The following FKBP9 variants were observed in gnomAD, a reference collection of about 807,000 sequenced individuals.
FKBP9 encodes peptidyl-prolyl cis-trans isomerase FKBP9.
In FKBP9, 27 loss-of-function variants were observed where a neutral mutation model predicts 55.6. The ratio of observed to expected loss-of-function variants is 0.49; its 90% CI spans 0.36 to 0.67. The LOEUF is 0.67. Ranked by LOEUF, FKBP9 falls within the 30% of genes least tolerant of loss-of-function variation. The pLI, the probability that FKBP9 is intolerant of heterozygous loss-of-function variation, is 0.00. For missense variants in FKBP9, 539 were observed against 742.8 expected (o/e 0.73, Z 3.19); for synonymous variants, 267 against 296.5 (o/e 0.90, Z 1.02).
At chr7:32,978,558 A>G (rs994868730) in intron 4 of FKBP9, among the ~76,000 whole-genome samples, 6 of 151,934 alleles carry the variant, frequency 3.9e-5, no homozygotes, top group Non-Finnish European at 5.9e-5. Flanking sequence ...GTGTCTCGCT[A>G]CGTTACCCAG....
rs976090693 is a variant in FKBP9 at position 32,957,445 on chromosome 7, G to T, written c.-129G>T. The T allele has an allele frequency of 7.9e-6, 5 of 633,674 alleles. No individual in the cohort carries two copies. The Admixed American group carries it at 1.8e-4, about 23-fold the overall frequency. The allele number at this position is 633,674 out of a possible 1,614,324, so 39.3% of individuals were successfully genotyped here. A position where few individuals can be genotyped will look rare whatever the true frequency, so the allele number is the denominator to read the frequency against. On this transcript the variant is annotated 5_prime_UTR_variant, in exon 1 of 10. Transcript: ENST00000242209. The stretch of plus-strand genomic sequence containing the variant: ...CGGGAGGGCGGGCGGCCGGGGAGAC[G>T]GGGTGGCGGCTGCAGCCCGGGTAGG...
chr7:32,963,700 GA>G (rs1784074032), intron 1 of FKBP9: 1 of 1,369,760 alleles, frequency 7.3e-7, no homozygotes, highest in Non-Finnish European at 9.4e-7. Flanking sequence ...ATCATGGACT[GA>G]GGTGACTTTC....
chr7:32,994,900 CTA>C (rs1472477786), intron 6 of FKBP9: 1 of 176,312 alleles, frequency 5.7e-6, no homozygotes, highest in African/African-American at 2.4e-5. Context: ...TTGTGTATCT[CTA>C]TCTGAATTTT....
Position 32,957,701 on chromosome 7 carries a change from T to G in FKBP9, c.128T>G (p.Val43Gly), listed in dbSNP as rs1193976714. ...DAELQIERRFVPDECPRTVRS... is the reference protein window; with the variant it reads ...DAELQIERRFGPDECPRTVRS... The stretch of plus-strand genomic sequence containing the variant: ...GAGCTGCAGATCGAGCGGCGCTTCG[T>G]GCCCGACGAGTGCCCGCGCACCGTG... The change falls in exon 1 of 10, where the codon GTG becomes GGG. Residue 43 changes from valine to glycine, a missense_variant. Val to Gly is a moderately radical substitution (Grantham distance 109, BLOSUM62 -3). Around this residue, in one of 4 missense-constraint regions of FKBP9, gnomAD observed 236 missense variants for 271.5 expected, o/e 0.87. Coordinates refer to ENST00000242209, the MANE Select transcript of FKBP9 (RefSeq NM_007270.5). 1 of 1,541,338 alleles carries G rather than the reference T, an allele frequency of 6.5e-7. No individual in the cohort carries two copies. Among genetic ancestry groups the G allele is most frequent in the Non-Finnish European group, 8.7e-7 (1 of 1,153,238 alleles).
intron 6 of FKBP9, among the ~76,000 whole-genome samples, chr7:32,993,649 AC>A: frequency 6.6e-6 from 1 of 152,290 alleles, no homozygotes; most frequent in African/African-American, 2.4e-5. Flanking sequence ...ACATGGTGAA[AC>A]CCTGTCTCTA....
intron 6 of FKBP9, chr7:32,989,115 C>T (rs1404630640): frequency 2.0e-5 from 3 of 152,340 alleles, no homozygotes; most frequent in Non-Finnish European, 4.4e-5. Context: ...TATTTGATCT[C>T]TTTTTATATT....
chr7:32,988,281 G>A (rs954457420), intron 5 of FKBP9, among the ~76,000 whole-genome samples: 23 of 152,216 alleles, frequency 1.5e-4, no homozygotes, highest in African/African-American at 5.5e-4. Flanking sequence ...AAACTGGAGG[G>A]CCACATGGCG....
chr7:32,972,236 C>G (rs1227397786), intron 1 of FKBP9, among the ~76,000 whole-genome samples: 2 of 152,140 alleles, frequency 1.3e-5, no homozygotes, highest in African/African-American at 4.8e-5. Context: ...GTAAAGCTGA[C>G]TTGGGCACAC....
intron 1 of FKBP9, among the ~76,000 whole-genome samples, chr7:32,963,959 C>T (rs1389552682): frequency 6.6e-6 from 1 of 152,212 alleles, no homozygotes; most frequent in Non-Finnish European, 1.5e-5. Context: ...TTCAGCAGGA[C>T]TGGTCCACAG....
chr7:32,957,453 G>T lies in FKBP9; in HGVS notation c.-121G>T. 1.4e-6 allele frequency: 1 copy of T among 701,112 alleles called. No homozygotes were observed. The allele number at this position is 701,112 out of a possible 1,614,324, so 43.4% of individuals were successfully genotyped here. A position where few individuals can be genotyped will look rare whatever the true frequency, so the allele number is the denominator to read the frequency against. ...CGGGCGGCCGGGGAGACGGGGTGGC[G>T]GCTGCAGCCCGGGTAGGGCCAGGAG... On this transcript the variant is annotated 5_prime_UTR_variant, in exon 1 of 10. Transcript: ENST00000242209.
chr7:33,002,015 G>A (rs1784944350), intron 8 of FKBP9: 3 of 152,372 alleles, frequency 2.0e-5, no homozygotes, highest in African/African-American at 7.2e-5. Context: ...ATTCTTCTCA[G>A]TATGGTTCCA....
chr7:32,973,145 T>C (rs1784284452), intron 1 of FKBP9, among the ~76,000 whole-genome samples: 1 of 152,192 alleles, frequency 6.6e-6, no homozygotes, highest in South Asian at 2.1e-4. Flanking sequence ...TCTATCAGTA[T>C]ATAAGGTACT....
At chr7:32,974,919 T>C (rs1437501756) in intron 2 of FKBP9, 157 bp downstream of exon 2, 6 of 698,332 alleles carry the variant, frequency 8.6e-6, no homozygotes. Flanking sequence ...CATCTTAGGT[T>C]TATTTCTTCT....
At chr7:32,994,177 T>G (rs565416916) in intron 6 of FKBP9, among the ~76,000 whole-genome samples, 1 of 152,328 alleles carries the variant, frequency 6.6e-6, no homozygotes, top group East Asian at 1.9e-4. Flanking sequence ...CTCTACCTAA[T>G]TCCAGCACAG....
intron 5 of FKBP9, among the ~76,000 whole-genome samples, chr7:32,984,120 C>T (rs1784532701): frequency 6.6e-6 from 1 of 152,150 alleles, no homozygotes; most frequent in South Asian, 2.1e-4. Context: ...GTTACAAAGT[C>T]TGTCCTCTTC....
intron 9 of FKBP9, 148 bp downstream of exon 9, chr7:33,002,987 A>G: frequency 1.5e-6 from 1 of 682,650 alleles, no homozygotes; most frequent in East Asian, 2.7e-5. Flanking sequence ...TTGTGTGCCA[A>G]GCGCTTTTAC....
Position 32,957,688 on chromosome 7 carries a change from G to C in FKBP9, c.115G>C (p.Glu39Gln). The C allele has an allele frequency of 6.5e-7, 1 of 1,532,358 alleles. No individual in the cohort carries two copies. Among genetic ancestry groups the C allele is most frequent in the Non-Finnish European group, 8.7e-7 (1 of 1,148,780 alleles). The allele number at this position is 1,532,358 out of a possible 1,614,324, so 94.9% of individuals were successfully genotyped here. A position where few individuals can be genotyped will look rare whatever the true frequency, so the allele number is the denominator to read the frequency against. The change falls in exon 1 of 10, where the codon GAG becomes CAG. Residue 39 changes from glutamate to glutamine, a missense_variant. By Grantham distance (29) the Glu-to-Gln change is conservative (BLOSUM62 2). Transcript: ENST00000242209. ...GLGSDAELQI[E>Q]RRFVPDECPR... ...GGGCTCCGACGCGGAGCTGCAGATC[G>C]AGCGGCGCTTCGTGCCCGACGAGTG...
At chr7:32,965,797 CAAAAAA>C (rs760247071) in intron 1 of FKBP9, among the ~76,000 whole-genome samples, 88 of 38,530 alleles carry the variant, frequency 2.3e-3, no homozygotes, top group African/African-American at 0.01. Context: ...GACTCCATGT[CAAAAAA>C]AAAAAAAAAA....
chr7:32,994,394 G>T (rs1784744123), intron 6 of FKBP9, among the ~76,000 whole-genome samples: 1 of 152,170 alleles, frequency 6.6e-6, no homozygotes, highest in Non-Finnish European at 1.5e-5. Context: ...ATGTTTTCGG[G>T]TTCATTCCCA....
Sources: allele counts gnomAD v4.1 joint callset (sites outside exome capture counted in the v4.1 genomes callset), GRCh38; gene constraint gnomAD v4.1.1; regional missense constraint gnomAD v4.1.1; transcripts MANE v1.5; gene names NCBI Gene and HGNC (gene_info 2026-07-23, HGNC 2026-07-21).